Variants in ALK observed in about 807,000 individuals in gnomAD.
The protein encoded by ALK is ALK receptor tyrosine kinase, also known as ALK tyrosine kinase receptor.
ALK carries 74 observed loss-of-function variants against 163.1 expected under a neutral mutation model. That is an observed-to-expected ratio of 0.45 (90% confidence interval 0.38 to 0.55). The LOEUF is 0.55. Ranked by LOEUF, ALK falls within the 20% of genes least tolerant of loss-of-function variation. The probability of loss-of-function intolerance (pLI) is 0.00; values close to 1 mark genes in which losing one functional copy is unlikely to be tolerated. For missense variants in ALK, 2,063 were observed against 2,105.3 expected, an observed-to-expected ratio of 0.98 and a Z score of 0.39; for synonymous variants, 960 against 843.2, an observed-to-expected ratio of 1.14 and a Z score of -2.40.
intron 3 of ALK, among the ~76,000 whole-genome samples, chr2:29,623,703 T>C (rs747158634): frequency 1.3e-5 from 2 of 152,238 alleles, no homozygotes; most frequent in Non-Finnish European, 2.9e-5. Flanking sequence ...ATAAAATTCA[T>C]CTAGAGTTTA....
At chr2:29,467,562 C>T (rs1350404613) in intron 4 of ALK, among the ~76,000 whole-genome samples, 1 of 152,164 alleles carries the variant, frequency 6.6e-6, no homozygotes, top group African/African-American at 2.4e-5. Context: ...AGAAATGAGC[C>T]TGCTCTAAGA....
At chr2:29,601,942 A>T (rs900995757) in intron 3 of ALK, among the ~76,000 whole-genome samples, 1 of 151,896 alleles carries the variant, frequency 6.6e-6, no homozygotes. Context: ...GCCTCTGAGG[A>T]CACCTGAAGG....
chr2:29,671,329 G>C, intron 3 of ALK, among the ~76,000 whole-genome samples: 1 of 152,038 alleles, frequency 6.6e-6, no homozygotes, highest in East Asian at 1.9e-4. Flanking sequence ...TGTGCCCAGG[G>C]AACCTGTGAA....
At chr2:29,830,315 G>A (rs910796190) in intron 1 of ALK, among the ~76,000 whole-genome samples, 5 of 152,176 alleles carry the variant, frequency 3.3e-5, no homozygotes, top group African/African-American at 1.2e-4. Flanking sequence ...TGTTGCTAAC[G>A]TAATCTAGGA....
At chr2:29,346,630 A>T (rs1667957233) in intron 5 of ALK, among the ~76,000 whole-genome samples, 1 of 152,262 alleles carries the variant, frequency 6.6e-6, no homozygotes, top group Admixed American at 6.5e-5. Context: ...TTGACAGTTA[A>T]ATTAACAAAT....
At chr2:29,515,609 A>G (rs1415630693) in intron 4 of ALK, among the ~76,000 whole-genome samples, 1 of 152,138 alleles carries the variant, frequency 6.6e-6, no homozygotes, top group East Asian at 1.9e-4. Flanking sequence ...TGGTTGTGGG[A>G]AACACTTTTG....
rs80077326 is a variant in ALK at position 29,244,836 on chromosome 2, A to G, written c.2205-5006T>C. On this transcript the variant is annotated intron_variant, in intron 12 of 28. Transcript: ENST00000389048. ...TCATGCCTGTGATATCTCTCCTACT[A>G]TTGTCTAGAACCTGACTGGCATTGT... Among the ~76,000 whole-genome samples, 134 of 152,272 alleles carry G rather than the reference A, an allele frequency of 8.8e-4. 2 individuals are homozygous for G. The East Asian group carries it at 0.025, about 29-fold the overall frequency.
chr2:29,357,426 G>T (rs773346600), intron 5 of ALK, among the ~76,000 whole-genome samples: 2 of 152,190 alleles, frequency 1.3e-5, no homozygotes, highest in Non-Finnish European at 2.9e-5. Flanking sequence ...CCAGGGAGAA[G>T]TGGGCTCTTT....
At chr2:29,353,597 C>CT (rs1175971867) in intron 5 of ALK, among the ~76,000 whole-genome samples, 4 of 152,056 alleles carry the variant, frequency 2.6e-5, no homozygotes, top group Non-Finnish European at 5.9e-5. Context: ...AAGCCTGCTC[C>CT]TGTCTGTACA....
At chr2:29,907,985 T>A (rs1667594271) in intron 1 of ALK, among the ~76,000 whole-genome samples, 1 of 152,178 alleles carries the variant, frequency 6.6e-6, no homozygotes, top group Admixed American at 6.5e-5. Flanking sequence ...TATCTGGGCA[T>A]CTATTGGCCC....
At chr2:29,740,543 T>C (rs568803326) in intron 1 of ALK, among the ~76,000 whole-genome samples, 2 of 152,348 alleles carry the variant, frequency 1.3e-5, no homozygotes, top group Admixed American at 6.5e-5. Flanking sequence ...GAAAGGAACA[T>C]ATTAAAAATG....
At chr2:29,351,307 C>T (rs1668105671) in intron 5 of ALK, among the ~76,000 whole-genome samples, 1 of 152,180 alleles carries the variant, frequency 6.6e-6, no homozygotes, top group South Asian at 2.1e-4. Flanking sequence ...CTGGCTCATT[C>T]TCCCTGAAGG....
intron 5 of ALK, among the ~76,000 whole-genome samples, chr2:29,381,583 T>A (rs1333550379): frequency 1.3e-5 from 2 of 152,190 alleles, no homozygotes; most frequent in Admixed American, 1.3e-4. Context: ...CATCTGTGCC[T>A]CATCATGAAG....
At chr2:29,690,426 G>A (rs1678360840) in intron 3 of ALK, among the ~76,000 whole-genome samples, 1 of 152,212 alleles carries the variant, frequency 6.6e-6, no homozygotes, top group Non-Finnish European at 1.5e-5. Context: ...AGGCCCTGGG[G>A]AGAGGGCTCT....
intron 4 of ALK, among the ~76,000 whole-genome samples, chr2:29,445,454 A>G (rs1401325805): frequency 6.6e-6 from 1 of 152,232 alleles, no homozygotes; most frequent in Non-Finnish European, 1.5e-5. Flanking sequence ...TCCAGAGCCA[A>G]TAGGGGGTTC....
At chr2:29,846,911 C>A (rs376441046) in intron 1 of ALK, among the ~76,000 whole-genome samples, 18 of 152,110 alleles carry the variant, frequency 1.2e-4, no homozygotes, top group African/African-American at 4.3e-4. Context: ...TTATTTGGCC[C>A]GCACCTATAA....
intron 3 of ALK, among the ~76,000 whole-genome samples, chr2:29,688,407 C>T (rs531531378): frequency 8.3e-4 from 127 of 152,228 alleles, no homozygotes; most frequent in African/African-American, 3.0e-3. Context: ...GAAAAGAAAA[C>T]CTTTGCTAAT....
chr2:29,865,343 G>A (rs553363979), intron 1 of ALK, among the ~76,000 whole-genome samples: 5 of 152,300 alleles, frequency 3.3e-5, no homozygotes, highest in African/African-American at 1.2e-4. Flanking sequence ...CCAAGAACAG[G>A]CAAGGAGCTG....
At chr2:29,490,713 T>C (rs1671880915) in intron 4 of ALK, among the ~76,000 whole-genome samples, 1 of 152,218 alleles carries the variant, frequency 6.6e-6, no homozygotes, top group Non-Finnish European at 1.5e-5. Flanking sequence ...TGTTTTCAAA[T>C]ATGTAAAACT....
Sources: gnomAD v4.1 joint callset for allele counts (sites outside exome capture counted in the v4.1 genomes callset) on GRCh38, gnomAD v4.1.1 for gene constraint, MANE v1.5 for transcripts, NCBI Gene and HGNC (gene_info 2026-07-23, HGNC 2026-07-21) for gene names.